SNX9: variants seen among roughly 807,000 people sequenced by gnomAD.
The protein encoded by SNX9 is sorting nexin 9.
A neutral mutation model predicts 89.4 loss-of-function variants in SNX9; 44 were observed. That is an observed-to-expected ratio of 0.49 (90% CI 0.39 to 0.63). SNX9 has a LOEUF of 0.63. SNX9 is among the 30% of genes least tolerant of loss of function. SNX9 has a pLI of 0.00. For missense variants in SNX9, 578 were observed against 736.1 expected, an observed-to-expected ratio of 0.79 and a Z score of 2.49; for synonymous variants, 236 against 247.8, an observed-to-expected ratio of 0.95 and a Z score of 0.45.
intron 1 of SNX9, among the ~76,000 whole-genome samples, chr6:157,825,279 A>T (rs976240581): frequency 1.3e-5 from 2 of 152,136 alleles, no homozygotes; most frequent in African/African-American, 4.8e-5. Flanking sequence ...CGTTTGAAAA[A>T]AGAGAAGACG....
chr6:157,919,572 C>T (rs1783542102), intron 9 of SNX9, among the ~76,000 whole-genome samples: 1 of 152,012 alleles, frequency 6.6e-6, no homozygotes, highest in Admixed American at 6.5e-5. Flanking sequence ...GGTAACTTCT[C>T]TCTCCTTTTT....
chr6:157,869,784 G>A (rs958532590), intron 2 of SNX9, among the ~76,000 whole-genome samples: 10 of 152,010 alleles, frequency 6.6e-5, no homozygotes, highest in Admixed American at 3.9e-4. Flanking sequence ...CCCTGTGCAC[G>A]TGCACAGGCA....
intron 1 of SNX9, among the ~76,000 whole-genome samples, chr6:157,863,165 G>T (rs1782181369): frequency 1.3e-5 from 2 of 152,226 alleles, no homozygotes; most frequent in African/African-American, 4.8e-5. Flanking sequence ...TGATTATCCA[G>T]TTTCCAAAAG....
chr6:157,914,110 A>G (rs9458845), intron 9 of SNX9, among the ~76,000 whole-genome samples: 32,955 of 152,146 alleles, frequency 0.22, 3,645 homozygotes, highest in Non-Finnish European at 0.23. Flanking sequence ...CTCACCAGCA[A>G]TATATGAGAG....
chr6:157,927,883 G>A (rs977025370), intron 11 of SNX9, among the ~76,000 whole-genome samples: 19 of 151,462 alleles, frequency 1.3e-4, no homozygotes, highest in African/African-American at 4.4e-4. Context: ...TTTAAGCTTT[G>A]TTATCATAAA....
At chr6:157,884,885 T>C (rs1276438702) in intron 4 of SNX9, among the ~76,000 whole-genome samples, 1 of 152,066 alleles carries the variant, frequency 6.6e-6, no homozygotes, top group East Asian at 1.9e-4. Flanking sequence ...ACCTTAAAAC[T>C]GCAGTGATGA....
chr6:157,933,608 G>A (rs1311662505), intron 13 of SNX9, among the ~76,000 whole-genome samples: 3 of 152,218 alleles, frequency 2.0e-5, no homozygotes, highest in Non-Finnish European at 4.4e-5. Flanking sequence ...GAACAGAGAA[G>A]CATCTTGGCC....
chr6:157,845,513 G>A (rs1211253431), intron 1 of SNX9, among the ~76,000 whole-genome samples: 3 of 152,122 alleles, frequency 2.0e-5, no homozygotes, highest in Admixed American at 1.3e-4. Context: ...TTGAACTCAT[G>A]TTTCATTAGC....
At chr6:157,843,692 A>G (rs1299872814) in intron 1 of SNX9, among the ~76,000 whole-genome samples, 1 of 152,164 alleles carries the variant, frequency 6.6e-6, no homozygotes, top group African/African-American at 2.4e-5. Flanking sequence ...ATAGACAGAC[A>G]GCTATGGTCT....
At chr6:157,925,114 C>T (rs1302959231) in intron 10 of SNX9, among the ~76,000 whole-genome samples, 1 of 152,144 alleles carries the variant, frequency 6.6e-6, no homozygotes, top group African/African-American at 2.4e-5. Flanking sequence ...GTAGAAGATA[C>T]TTGCAACATA....
At chr6:157,895,645 C>CAAAAAT (rs1782962739) in intron 4 of SNX9, among the ~76,000 whole-genome samples, 1 of 151,490 alleles carries the variant, frequency 6.6e-6, no homozygotes, top group African/African-American at 2.4e-5. Flanking sequence ...AAGTACCGAG[C>CAAAAAT]AAAAATAATA....
At chr6:157,853,326 G>C (rs1056267756) in intron 1 of SNX9, among the ~76,000 whole-genome samples, 1 of 152,032 alleles carries the variant, frequency 6.6e-6, no homozygotes, top group Non-Finnish European at 1.5e-5. Context: ...TTGTTCCACT[G>C]TATGTAATAA....
intron 1 of SNX9, among the ~76,000 whole-genome samples, chr6:157,838,852 C>T (rs1781638053): frequency 6.6e-6 from 1 of 152,198 alleles, no homozygotes; most frequent in African/African-American, 2.4e-5. Flanking sequence ...AACTAAGCCA[C>T]TCTTAGGAAC....
chr6:157,832,385 C>T (rs1325665567), intron 1 of SNX9, among the ~76,000 whole-genome samples: 1 of 152,194 alleles, frequency 6.6e-6, no homozygotes, highest in Non-Finnish European at 1.5e-5. Flanking sequence ...TGTCCTTGTA[C>T]TCAAAGGGCA....
chr6:157,936,260 C>T (rs1783923190), intron 14 of SNX9, among the ~76,000 whole-genome samples: 1 of 152,206 alleles, frequency 6.6e-6, no homozygotes, highest in Non-Finnish European at 1.5e-5. Context: ...GGCACAGTGG[C>T]TCACACCTGT....
chr6:157,938,852 TGA>T, intron 16 of SNX9, 105 bp downstream of exon 16: 1 of 745,860 alleles, frequency 1.3e-6, no homozygotes. Context: ...GTTAAGTAAG[TGA>T]GACCTTTTAA....
chr6:157,840,268 C>G (rs149766799), intron 1 of SNX9, among the ~76,000 whole-genome samples: 130 of 152,226 alleles, frequency 8.5e-4, no homozygotes, highest in Non-Finnish European at 1.4e-3. Context: ...GAGGCCAGAG[C>G]TGAGGGAGCT....
intron 1 of SNX9, among the ~76,000 whole-genome samples, chr6:157,850,679 G>A (rs548607658): frequency 3.3e-5 from 5 of 152,256 alleles, no homozygotes; most frequent in Admixed American, 6.5e-5. Context: ...TTTGATAGTG[G>A]TGTTTCATTG....
At chr6:157,873,514 GAT>G (rs1328483728) in intron 3 of SNX9, among the ~76,000 whole-genome samples, 4 of 144,218 alleles carry the variant, frequency 2.8e-5, no homozygotes, top group Non-Finnish European at 4.5e-5. Flanking sequence ...AATTCAATAA[GAT>G]ATATGAAATT....
Sources: gnomAD v4.1 joint callset for allele counts (sites outside exome capture counted in the v4.1 genomes callset) on GRCh38, gnomAD v4.1.1 for gene constraint, MANE v1.5 for transcripts, NCBI Gene and HGNC (gene_info 2026-07-23, HGNC 2026-07-21) for gene names.